ITSN2: variants seen among roughly 807,000 people sequenced by gnomAD.
The protein encoded by ITSN2 is intersectin-2.
ITSN2 carries 156 observed loss-of-function variants against 243.7 expected under a neutral mutation model. The observed-to-expected ratio is 0.64, with a 90% CI of 0.56 to 0.73. The LOEUF is 0.73. ITSN2 is among the 30% of genes least tolerant of loss of function. ITSN2 has a pLI of 0.00. For missense variants in ITSN2, 1,801 were observed against 1,996.1 expected, an observed-to-expected ratio of 0.90 and a Z score of 1.86; for synonymous variants, 703 against 699.9, an observed-to-expected ratio of 1.00 and a Z score of -0.07.
At chr2:24,308,929 G>A (rs1356564040) in intron 7 of ITSN2, 173 bp from the exon 8 acceptor site, 3 of 590,630 alleles carry the variant, frequency 5.1e-6, no homozygotes, top group Non-Finnish European at 9.6e-6. Context: ...AGGTGAGTGA[G>A]CACTACTACC....
At chr2:24,320,574 T>C (rs1434474259) in intron 2 of ITSN2, among the ~76,000 whole-genome samples, 2 of 119,752 alleles carry the variant, frequency 1.7e-5, no homozygotes, top group Non-Finnish European at 3.4e-5. Context: ...AATTAGCCAG[T>C]GGTGGTGGCT....
intron 20 of ITSN2, among the ~76,000 whole-genome samples, chr2:24,269,056 CTG>C (rs1245057160): frequency 3.0e-5 from 3 of 100,294 alleles, no homozygotes; most frequent in South Asian, 3.7e-4. Context: ...TTAAACTCTC[CTG>C]TTTTTTTTTT....
At chr2:24,322,006 C>G (rs995314573) in intron 2 of ITSN2, 2 of 152,208 alleles carry the variant, frequency 1.3e-5, no homozygotes, top group Non-Finnish European at 2.9e-5. Flanking sequence ...CCTGGGTAGC[C>G]TGACTCCAAA....
chr2:24,283,337 G>A (rs935272820), intron 17 of ITSN2, among the ~76,000 whole-genome samples: 5 of 152,024 alleles, frequency 3.3e-5, no homozygotes, highest in East Asian at 1.9e-4. Flanking sequence ...CGATTCTCCC[G>A]TCTCAGCTTC....
intron 13 of ITSN2, among the ~76,000 whole-genome samples, chr2:24,297,897 C>T (rs1681185538): frequency 6.6e-6 from 1 of 152,142 alleles, no homozygotes; most frequent in African/African-American, 2.4e-5. Context: ...CTCAGTAAAC[C>T]ATATTGTACA....
intron 29 of ITSN2, among the ~76,000 whole-genome samples, chr2:24,236,661 G>GT (rs1672183992): frequency 1.8e-5 from 2 of 110,922 alleles, no homozygotes; most frequent in African/African-American, 6.6e-5. Flanking sequence ...GATTTTTCCT[G>GT]TGTTTTTTTT....
intron 8 of ITSN2, among the ~76,000 whole-genome samples, chr2:24,305,616 T>C (rs1682432261): frequency 7.1e-6 from 1 of 141,738 alleles, no homozygotes; most frequent in South Asian, 2.4e-4. Context: ...CACCAACTCC[T>C]ACACTTATTG....
At chr2:24,269,909 G>A (rs1045800808) in intron 20 of ITSN2, among the ~76,000 whole-genome samples, 6 of 152,152 alleles carry the variant, frequency 3.9e-5, no homozygotes, top group South Asian at 2.1e-4. Flanking sequence ...CCCCCTGCTC[G>A]GGCACAGCTC....
chr2:24,336,650 T>C (rs1036583112), intron 1 of ITSN2, among the ~76,000 whole-genome samples: 1 of 152,230 alleles, frequency 6.6e-6, no homozygotes, highest in Non-Finnish European at 1.5e-5. Flanking sequence ...TCAAATGTCA[T>C]CTTGTCTTTG....
At chr2:24,304,729 G>A (rs1188791157) in intron 8 of ITSN2, among the ~76,000 whole-genome samples, 3 of 152,138 alleles carry the variant, frequency 2.0e-5, no homozygotes, top group Admixed American at 6.5e-5. Context: ...TGGACTGAAA[G>A]AAGATCCCTT....
At chr2:24,250,877 G>A (rs968959737) in intron 25 of ITSN2, among the ~76,000 whole-genome samples, 2 of 152,056 alleles carry the variant, frequency 1.3e-5, no homozygotes, top group Non-Finnish European at 2.9e-5. Context: ...ACATGAGAAA[G>A]TAGCTGACTT....
chr2:24,261,387 T>A (rs1675834708), intron 21 of ITSN2, 137 bp from the exon 22 acceptor site: 1 of 889,004 alleles, frequency 1.1e-6, no homozygotes, highest in Admixed American at 2.8e-5. Context: ...ATTAACAAAC[T>A]ACTGACCCAT....
intron 17 of ITSN2, among the ~76,000 whole-genome samples, chr2:24,284,277 G>A (rs548430664): frequency 9.2e-5 from 14 of 152,286 alleles, no homozygotes; most frequent in Admixed American, 8.5e-4. Flanking sequence ...CCTGACTAAA[G>A]TTGCCCCTGC....
intron 13 of ITSN2, among the ~76,000 whole-genome samples, chr2:24,297,711 T>C (rs1574204543): frequency 6.6e-6 from 1 of 152,180 alleles, no homozygotes; most frequent in Non-Finnish European, 1.5e-5. Context: ...CCTCAGACCA[T>C]CTTACAGAGA....
chr2:24,243,957 T>C (rs1471095082), intron 29 of ITSN2, among the ~76,000 whole-genome samples: 3 of 152,224 alleles, frequency 2.0e-5, no homozygotes, highest in Admixed American at 1.3e-4. Flanking sequence ...AGTGGAGATA[T>C]AGACTGTTTT....
Position 24,209,863 on chromosome 2 carries a change from T to C in ITSN2, c.4428A>G (p.Lys1476=). 3.1e-6 allele frequency: 5 copies of C among 1,614,142 alleles called. No homozygotes were observed. Among genetic ancestry groups the C allele is most frequent in the Non-Finnish European group, 4.2e-6 (5 of 1,180,010 alleles). Residue 1476 remains lysine, a synonymous_variant, in exon 35 of 40, where the codon AAA becomes AAG. Transcript: ENST00000355123. ...KQFAVSSGSE[K]LFSSKSNAQF... ...GAGCATTGGACTTCGAGCTGAAAAGTTTCTCAGAGCCAGAGGAAACAGCAA... is the reference window on the plus strand; with the variant it reads ...GAGCATTGGACTTCGAGCTGAAAAGCTTCTCAGAGCCAGAGGAAACAGCAA...
chr2:24,271,958 AAG>A lies in ITSN2; in HGVS notation c.2082-19_2082-18del. The A allele has an allele frequency of 2.7e-6, 4 of 1,487,766 alleles. No homozygotes were observed. The highest frequency in any genetic ancestry group is 1.3e-5 in the South Asian group (1 of 78,648). The allele number at this position is 1,487,766 out of a possible 1,614,324, so 92.2% of individuals were successfully genotyped here. On this transcript the variant is annotated intron_variant, in intron 18 of 39. Transcript: ENST00000355123. ...TTTGCTTTCCTTTACATAAAAGAAA[AAG>A]AGTTTGTATAATGTCCTAGAAATTT...
chr2:24,252,623 T>G, intron 24 of ITSN2, 112 bp from the exon 25 acceptor site: 3 of 584,640 alleles, frequency 5.1e-6, no homozygotes, highest in Non-Finnish European at 8.2e-6. Flanking sequence ...AAAGACCTTG[T>G]GCCTTCAGGA....
In ITSN2 at chr2:24,337,339, T is replaced by C. The variant is rs919827787; in HGVS notation, c.-33-9224A>G. 1.6e-3 allele frequency among the ~76,000 whole-genome samples: 184 copies of C among 113,276 alleles called. 8 individuals are homozygous for C. Among genetic ancestry groups the C allele is most frequent in the Middle Eastern group, 4.2e-3 (1 of 238 alleles). The allele number at this position is 113,276 out of a possible 152,430, so 74.3% of individuals were successfully genotyped here. On this transcript the variant is annotated intron_variant, in intron 1 of 39. Transcript: ENST00000355123. ...AAATATATATATATATATATATATA[T>C]ATATATATATATATGTAATTTTTTT...
Sources: gnomAD v4.1 joint callset for allele counts (sites outside exome capture counted in the v4.1 genomes callset) on GRCh38, gnomAD v4.1.1 for gene constraint, MANE v1.5 for transcripts, NCBI Gene and HGNC (gene_info 2026-07-23, HGNC 2026-07-21) for gene names.